Variants in SLC25A26 observed in about 807,000 individuals in gnomAD.
The protein encoded by SLC25A26 is solute carrier family 25 member 26, also known as mitochondrial S-adenosylmethionine carrier protein.
In SLC25A26, 36 loss-of-function variants were observed where a neutral mutation model predicts 37.8. That is an observed-to-expected ratio of 0.95 (90% CI 0.73 to 1.26). The LOEUF (loss-of-function observed/expected upper bound fraction) is 1.26. SLC25A26 is among the 50% of genes most tolerant of loss of function. SLC25A26 has a pLI of 0.00. For missense variants in SLC25A26, 390 were observed against 331.1 expected, an observed-to-expected ratio of 1.18 and a Z score of -1.38; for synonymous variants, 129 against 122.5, an observed-to-expected ratio of 1.05 and a Z score of -0.35.
At position 66,207,859 on chromosome 3, in the gene SLC25A26, A is replaced by G. The variant is rs1040935272; in HGVS notation, c.-353-12883A>G. Among the ~76,000 whole-genome samples, 83 of 152,348 alleles carry G rather than the reference A, an allele frequency of 5.4e-4. No homozygotes were observed. In the East Asian group the frequency reaches 0.013, roughly 23 times the overall value. ...AATAGAAGTGGAAAAGAAAGGTGGT[A>G]TAATAGACAATGTACTATTGCTATT... On this transcript the variant is annotated intron_variant, in intron 1 of 10. Transcript: ENST00000676754.
chr3:66,230,658 A>C (rs566568813), intron 1 of SLC25A26, among the ~76,000 whole-genome samples: 199 of 151,346 alleles, frequency 1.3e-3, no homozygotes, highest in Non-Finnish European at 2.1e-3. Context: ...ACAAAAAATT[A>C]GCCGGGCATG....
chr3:66,141,069 A>T (rs1235712193), intron 1 of SLC25A26, among the ~76,000 whole-genome samples: 12 of 151,810 alleles, frequency 7.9e-5, no homozygotes, highest in Admixed American at 5.3e-4. Flanking sequence ...ACACACACAC[A>T]CACGCAAATG....
At chr3:66,179,286 T>G (rs1047625436) in intron 1 of SLC25A26, among the ~76,000 whole-genome samples, 1 of 152,238 alleles carries the variant, frequency 6.6e-6, no homozygotes, top group Non-Finnish European at 1.5e-5. Flanking sequence ...GCCGATTTGA[T>G]ATTGATATGT....
intron 1 of SLC25A26, among the ~76,000 whole-genome samples, chr3:66,156,277 G>A (rs551844439): frequency 2.0e-5 from 3 of 152,254 alleles, no homozygotes; most frequent in Non-Finnish European, 2.9e-5. Flanking sequence ...CAGATGCTGG[G>A]GTTACAGCAG....
At chr3:66,169,895 C>A (rs973670652) in intron 1 of SLC25A26, among the ~76,000 whole-genome samples, 17 of 152,150 alleles carry the variant, frequency 1.1e-4, no homozygotes, top group African/African-American at 3.6e-4. Flanking sequence ...TGTCCATGAA[C>A]CCTCTGAAAT....
rs374377154 is a variant in SLC25A26 at position 66,236,658 on chromosome 3, T to C, written c.148T>C (p.Tyr50His). 28 of 1,528,200 alleles carry C rather than the reference T, an allele frequency of 1.8e-5. No individual in the cohort carries two copies. Among genetic ancestry groups the C allele is most frequent in the Non-Finnish European group, 2.3e-5 (26 of 1,140,780 alleles). 94.7% of individuals were successfully genotyped at this position (1,528,200 alleles called of 1,614,324 possible). A position where few individuals can be genotyped will look rare whatever the true frequency, so the allele number is the denominator to read the frequency against. ...FSKAGGFHGI[Y>H]AGVPSAAIGS... ...TAAGGCTGGTGGTTTTCATGGAATA[T>C]ATGCTGGCGTTCCTTCTGCTGCTAT... Residue 50 changes from tyrosine (Y) to histidine (H), a missense_variant, in exon 2 of 10, where the codon TAT becomes CAT. By Grantham distance (83) the Tyr-to-His change is moderately conservative. Transcript: ENST00000354883.
intron 1 of SLC25A26, among the ~76,000 whole-genome samples, chr3:66,212,591 C>G (rs2071298702): frequency 1.3e-5 from 2 of 152,152 alleles, no homozygotes; most frequent in African/African-American, 4.8e-5. Context: ...TATACTGTAT[C>G]CATTGAACAA....
intron 6 of SLC25A26, among the ~76,000 whole-genome samples, chr3:66,360,849 G>A (rs2076690105): frequency 6.6e-6 from 1 of 152,256 alleles, no homozygotes; most frequent in African/African-American, 2.4e-5. Flanking sequence ...CCATGGGTTT[G>A]GTGCCTCCCA....
chr3:66,176,761 C>G (rs1392755022), intron 1 of SLC25A26, among the ~76,000 whole-genome samples: 1 of 152,142 alleles, frequency 6.6e-6, no homozygotes, highest in Non-Finnish European at 1.5e-5. Flanking sequence ...GTTATTTCTC[C>G]TAAGGGTCCT....
chr3:66,330,853 G>A (rs2075957882), intron 5 of SLC25A26, among the ~76,000 whole-genome samples: 1 of 152,072 alleles, frequency 6.6e-6, no homozygotes, highest in Non-Finnish European at 1.5e-5. Context: ...TCATTTGCAA[G>A]GAATCAGATC....
In SLC25A26 at chr3:66,207,329, G is replaced by A. The variant is rs976191350; in HGVS notation, c.-353-13413G>A. On this transcript the variant is annotated intron_variant, in intron 1 of 10. Coordinates refer to the SLC25A26 transcript ENST00000676754. ...CCAGTTCATGGGTCTTCCACTCTTG[G>A]TGCAGTTCCAACAATTAGGGGTTTC... 3.9e-5 allele frequency among the ~76,000 whole-genome samples: 6 copies of A among 152,172 alleles called. No homozygotes were observed. In the East Asian group the frequency reaches 1.2e-3, roughly 29 times the overall value.
chr3:66,205,173 T>C (rs990646485), intron 1 of SLC25A26, among the ~76,000 whole-genome samples: 9 of 152,236 alleles, frequency 5.9e-5, no homozygotes, highest in Admixed American at 4.6e-4. Context: ...TTATTGAGAT[T>C]GTGCATGTAC....
chr3:66,352,611 T>G (rs1575600303), intron 6 of SLC25A26, among the ~76,000 whole-genome samples: 1 of 152,164 alleles, frequency 6.6e-6, no homozygotes, highest in East Asian at 1.9e-4. Flanking sequence ...ATATTTAAGG[T>G]GTGCAGCATG....
chr3:66,310,911 G>A (rs188265864), intron 5 of SLC25A26, among the ~76,000 whole-genome samples: 12 of 152,146 alleles, frequency 7.9e-5, no homozygotes, highest in Admixed American at 5.2e-4. Context: ...CTTTCTCTCC[G>A]GCTGCCCTTA....
intron 7 of SLC25A26, among the ~76,000 whole-genome samples, chr3:66,366,600 G>A (rs1026377356): frequency 2.0e-5 from 3 of 152,146 alleles, no homozygotes; most frequent in Non-Finnish European, 4.4e-5. Flanking sequence ...AATATTGGTA[G>A]GCATCCCCAC....
intron 1 of SLC25A26, among the ~76,000 whole-genome samples, chr3:66,224,083 A>G (rs2071626146): frequency 6.6e-6 from 1 of 152,204 alleles, no homozygotes; most frequent in South Asian, 2.1e-4. Flanking sequence ...AATGCTTATG[A>G]GATAAAATTA....
chr3:66,182,286 A>T (rs917879310), intron 1 of SLC25A26, among the ~76,000 whole-genome samples: 5 of 152,166 alleles, frequency 3.3e-5, no homozygotes, highest in African/African-American at 1.2e-4. Context: ...AGCAGATTTC[A>T]TATTGCAATT....
At chr3:66,196,109 T>C (rs1331257099) in intron 1 of SLC25A26, among the ~76,000 whole-genome samples, 1 of 145,490 alleles carries the variant, frequency 6.9e-6, no homozygotes, top group Non-Finnish European at 1.5e-5. Context: ...TTAATCAATA[T>C]CTACATTAAT....
intron 5 of SLC25A26, among the ~76,000 whole-genome samples, chr3:66,320,078 A>G (rs560787622): frequency 8.5e-5 from 13 of 152,352 alleles, no homozygotes; most frequent in Admixed American, 7.2e-4. Context: ...TGAATTAATT[A>G]AACTTGAGCT....
Sources: allele counts gnomAD v4.1 joint callset (sites outside exome capture counted in the v4.1 genomes callset), GRCh38; gene constraint gnomAD v4.1.1; transcripts MANE v1.5; gene names NCBI Gene and HGNC (gene_info 2026-07-23, HGNC 2026-07-21).